The following DLG5 variants were observed in gnomAD, a reference collection of about 807,000 sequenced individuals.
The protein encoded by DLG5 is discs large MAGUK scaffold protein 5.
In DLG5, 48 loss-of-function variants were observed where a neutral mutation model predicts 189.8. The ratio of observed to expected loss-of-function variants is 0.25; its 90% CI spans 0.20 to 0.32. The LOEUF is 0.32. Among genes scored for constraint, DLG5 ranks in the 10% least tolerant of loss-of-function variants. DLG5 has a pLI of 1.00. For synonymous variants in DLG5, 1,016 were observed against 1,054.1 expected, an observed-to-expected ratio of 0.96 and a Z score of 0.70; for missense variants, 2,160 against 2,544.7, an observed-to-expected ratio of 0.85 and a Z score of 3.25.
chr10:77,835,964 C>T, intron 7 of DLG5, 42 bp from the exon 8 acceptor site: 1 of 1,580,850 alleles, frequency 6.3e-7, no homozygotes, highest in South Asian at 1.1e-5. Flanking sequence ...GGTTGCTGAG[C>T]CTCATGGACC....
intron 5 of DLG5, among the ~76,000 whole-genome samples, chr10:77,852,690 C>A (rs984095725): frequency 2.0e-5 from 3 of 152,194 alleles, no homozygotes; most frequent in Admixed American, 2.0e-4. Context: ...GGATTACAGG[C>A]GTGAGCCACC....
intron 31 of DLG5, chr10:77,793,659 G>A: frequency 3.5e-6 from 1 of 284,326 alleles, no homozygotes; most frequent in East Asian, 9.6e-5. Flanking sequence ...TGCCCACACT[G>A]CTGGCACACT....
intron 1 of DLG5, among the ~76,000 whole-genome samples, chr10:77,871,261 C>T (rs1844885780): frequency 6.6e-6 from 1 of 151,998 alleles, no homozygotes; most frequent in African/African-American, 2.4e-5. Context: ...TGGATGGCCA[C>T]GGTCAGCACT....
intron 27 of DLG5, among the ~76,000 whole-genome samples, chr10:77,799,245 G>T (rs867077456): frequency 2.0e-5 from 3 of 152,206 alleles, no homozygotes; most frequent in Non-Finnish European, 2.9e-5. Context: ...AGACCATACG[G>T]CAATGGCTTT....
chr10:77,817,738 G>T (rs1842131986), intron 18 of DLG5, 39 bp downstream of exon 18: 2 of 1,516,000 alleles, frequency 1.3e-6, no homozygotes, highest in Non-Finnish European at 1.8e-6. Flanking sequence ...TGAAAAGCTT[G>T]GCACCCTCTG....
Position 77,806,846 on chromosome 10 carries a change from G to A in DLG5, c.4879C>T (p.Pro1627Ser). Residue 1627 changes from proline to serine, a missense_variant, in exon 26 of 32, where the codon CCC becomes TCC. Pro to Ser is a moderately conservative substitution (Grantham distance 74, BLOSUM62 -1). Around this residue, in one of 5 missense-constraint regions of DLG5, gnomAD observed 574 missense variants for 644.2 expected, o/e 0.89. Transcript: ENST00000372391. The part of the protein sequence containing the change: ...DDILYVDDTL[P>S]QGTFGSWMAW... ...ATCCAGGACCCGAACGTGCCCTGGGGTAAGGTGTCATCCACGTAGAGGATG... is the reference window on the plus strand; with the variant it reads ...ATCCAGGACCCGAACGTGCCCTGGGATAAGGTGTCATCCACGTAGAGGATG... 3 of 1,614,132 alleles carry A rather than the reference G, an allele frequency of 1.9e-6. No individual in the cohort carries two copies. The highest frequency in any genetic ancestry group is 2.5e-6 in the Non-Finnish European group (3 of 1,179,998).
At chr10:77,854,409 C>A (rs375640434) in intron 3 of DLG5, 39 bp from the exon 4 acceptor site, 193 of 1,610,324 alleles carry the variant, frequency 1.2e-4, no homozygotes, top group Non-Finnish European at 1.6e-4. Flanking sequence ...ACACAGGCCC[C>A]AGGATTCACA....
At chr10:77,860,401 G>A (rs543920922) in intron 2 of DLG5, among the ~76,000 whole-genome samples, 27 of 152,300 alleles carry the variant, frequency 1.8e-4, no homozygotes, top group Middle Eastern at 3.4e-3. Flanking sequence ...GGGTTCAAGC[G>A]ATTCTCCTGC....
intron 15 of DLG5, 129 bp from the exon 16 acceptor site, chr10:77,820,147 AC>A: frequency 7.7e-7 from 1 of 1,301,846 alleles, no homozygotes; most frequent in South Asian, 1.4e-5. Flanking sequence ...GGAGTTCAAG[AC>A]CACCCTGGCC....
At chr10:77,816,790 C>T in intron 19 of DLG5, 89 bp from the exon 20 acceptor site, 2 of 1,512,836 alleles carry the variant, frequency 1.3e-6, no homozygotes, top group South Asian at 2.6e-5. Context: ...TCCAGACACA[C>T]AGCTCTATCC....
intron 6 of DLG5, among the ~76,000 whole-genome samples, chr10:77,843,140 T>C (rs1293213573): frequency 2.0e-5 from 3 of 152,072 alleles, no homozygotes; most frequent in South Asian, 2.1e-4. Context: ...AACACACCAG[T>C]ATTTATTAAG....
chr10:77,817,114 A>C lies in DLG5; in HGVS notation c.3785-18T>G, dbSNP rs1242036165. Reference sequence around the variant, plus strand: ...CGAAGAACCTATTGTTCCATAAGGGAACAAAACTTCAGGCCTCATGGTTAA... The same window carrying C: ...CGAAGAACCTATTGTTCCATAAGGGCACAAAACTTCAGGCCTCATGGTTAA... On this transcript the variant is annotated intron_variant, in intron 18 of 31. Coordinates refer to ENST00000372391, the MANE Select transcript of DLG5 (RefSeq NM_004747.4). The C allele has an allele frequency of 6.2e-7, 1 of 1,613,192 alleles. No homozygotes were observed.
At chr10:77,938,798 C>T in the DLG5 span, among the ~76,000 whole-genome samples, 1 of 152,232 alleles carries the variant, frequency 6.6e-6, no homozygotes, top group Non-Finnish European at 1.5e-5. Context: ...CTACCCCTCC[C>T]AGCCTTTCTA....
chr10:77,871,535 A>AC (rs1483230429), intron 1 of DLG5, among the ~76,000 whole-genome samples: 1 of 75,966 alleles, frequency 1.3e-5, no homozygotes, highest in Non-Finnish European at 2.7e-5. Flanking sequence ...TAAGCATCAC[A>AC]CTTTTTTTTT....
intron 20 of DLG5, chr10:77,816,148 C>T (rs1045254738): frequency 4.1e-6 from 2 of 491,254 alleles, no homozygotes; most frequent in Non-Finnish European, 8.0e-6. Context: ...AGGTCTGTCA[C>T]TCCAACGTCT....
chr10:77,803,114 A>G (rs1841299865), intron 27 of DLG5, among the ~76,000 whole-genome samples: 2 of 152,208 alleles, frequency 1.3e-5, no homozygotes, highest in Non-Finnish European at 2.9e-5. Flanking sequence ...GTGAGAGGAT[A>G]ACAGTAGATG....
At chr10:77,797,345 C>T (rs1422145532) in intron 27 of DLG5, among the ~76,000 whole-genome samples, 3 of 152,196 alleles carry the variant, frequency 2.0e-5, no homozygotes, top group Non-Finnish European at 4.4e-5. Context: ...ATCTTCCTGG[C>T]GTCTCCCTGG....
chr10:77,928,301 G>A (rs1207259152), upstream of DLG5: 1 of 152,112 alleles, frequency 6.6e-6, no homozygotes, highest in Admixed American at 6.5e-5. Context: ...ACTTTTTTGT[G>A]AACATTTATA....
At chr10:77,913,582 G>A (rs1846282778) in intron 1 of DLG5, among the ~76,000 whole-genome samples, 1 of 152,028 alleles carries the variant, frequency 6.6e-6, no homozygotes, top group Admixed American at 6.6e-5. Flanking sequence ...ATGTGTGAAT[G>A]TCTTTTTCAT....
Sources: gnomAD v4.1 joint callset for allele counts (sites outside exome capture counted in the v4.1 genomes callset) on GRCh38, gnomAD v4.1.1 for gene constraint, gnomAD v4.1.1 regional missense constraint, MANE v1.5 for transcripts, NCBI Gene and HGNC (gene_info 2026-07-23, HGNC 2026-07-21) for gene names.